ABTB3: variants seen among roughly 807,000 people sequenced by gnomAD.
ABTB3 encodes the protein ankyrin repeat- and BTB/POZ domain-containing protein 3.
the ABTB3 span, among the ~76,000 whole-genome samples, chr12:107,341,149 A>C: frequency 6.6e-6 from 1 of 152,196 alleles, no homozygotes; most frequent in Non-Finnish European, 1.5e-5. Context: ...TGTCTCCCGC[A>C]ATAGCTGGGC....
chr12:107,611,155 T>G, the ABTB3 span, among the ~76,000 whole-genome samples: 67 of 152,360 alleles, frequency 4.4e-4, no homozygotes, highest in Non-Finnish European at 6.3e-4. Flanking sequence ...CCCCAGTGAT[T>G]TATTACACCT....
At chr12:107,457,705 C>T in the ABTB3 span, among the ~76,000 whole-genome samples, 1 of 152,234 alleles carries the variant, frequency 6.6e-6, no homozygotes, top group Non-Finnish European at 1.5e-5. Flanking sequence ...TCACCCAGGG[C>T]CCTGGAGGCA....
the ABTB3 span, among the ~76,000 whole-genome samples, chr12:107,465,063 A>T: frequency 6.6e-6 from 1 of 152,248 alleles, no homozygotes; most frequent in South Asian, 2.1e-4. Flanking sequence ...AGTGTTAAGA[A>T]TTGAAGTCAG....
At chr12:107,468,493 G>A in the ABTB3 span, among the ~76,000 whole-genome samples, 1 of 152,140 alleles carries the variant, frequency 6.6e-6, no homozygotes, top group Admixed American at 6.5e-5. Flanking sequence ...GCTGGGCACG[G>A]GAGACTTTGA....
chr12:107,649,444 A>G, the ABTB3 span: 2 of 635,522 alleles, frequency 3.1e-6, no homozygotes, highest in South Asian at 3.8e-5. Context: ...GTCCTCCCAA[A>G]CAGGAAGGGC....
the ABTB3 span, among the ~76,000 whole-genome samples, chr12:107,447,997 A>C: frequency 1.1e-4 from 17 of 152,204 alleles, no homozygotes; most frequent in Non-Finnish European, 2.4e-4. Context: ...TGAGATGCTA[A>C]GCTGGGCCAA....
the ABTB3 span, among the ~76,000 whole-genome samples, chr12:107,595,001 C>T: frequency 6.6e-6 from 1 of 151,916 alleles, no homozygotes; most frequent in Admixed American, 6.6e-5. Context: ...TACTAGATAC[C>T]AGCAGCACCT....
the ABTB3 span, among the ~76,000 whole-genome samples, chr12:107,454,475 A>T: frequency 6.6e-6 from 1 of 152,216 alleles, no homozygotes; most frequent in Admixed American, 6.5e-5. Flanking sequence ...ATAGAGGCTG[A>T]TGCAGAACTT....
the ABTB3 span, among the ~76,000 whole-genome samples, chr12:107,653,558 A>C: frequency 6.6e-6 from 1 of 151,846 alleles, no homozygotes; most frequent in Non-Finnish European, 1.5e-5. Context: ...ATCAGATTGC[A>C]TGTGAGATGC....
At chr12:107,627,447 G>A in the ABTB3 span, among the ~76,000 whole-genome samples, 2 of 152,202 alleles carry the variant, frequency 1.3e-5, no homozygotes, top group African/African-American at 4.8e-5. Context: ...TCCTATGTTA[G>A]CGATGATAGC....
the ABTB3 span, among the ~76,000 whole-genome samples, chr12:107,466,473 A>G: frequency 1.2e-4 from 18 of 151,688 alleles, no homozygotes; most frequent in African/African-American, 3.4e-4. Context: ...CCCAAGCACA[A>G]ATGTCCAATA....
the ABTB3 span, chr12:107,319,834 C>A: frequency 8.0e-7 from 1 of 1,247,520 alleles, no homozygotes; most frequent in Non-Finnish European, 1.0e-6. Flanking sequence ...CGGCGAGCGG[C>A]GGCGCCTGCA....
chr12:107,460,567 A>C, the ABTB3 span, among the ~76,000 whole-genome samples: 1 of 152,336 alleles, frequency 6.6e-6, no homozygotes, highest in East Asian at 1.9e-4. Flanking sequence ...GCTGAGGCAC[A>C]AGAATCGCTT....
At chr12:107,578,428 A>G in the ABTB3 span, among the ~76,000 whole-genome samples, 2 of 97,358 alleles carry the variant, frequency 2.1e-5, no homozygotes, top group Non-Finnish European at 3.9e-5. Context: ...ATTCTTTGGC[A>G]TTCACCAGGC....
At chr12:107,449,270 T>C in the ABTB3 span, among the ~76,000 whole-genome samples, 1 of 152,232 alleles carries the variant, frequency 6.6e-6, no homozygotes, top group Non-Finnish European at 1.5e-5. Context: ...TTCTTCATGC[T>C]GGTCTATTTC....
At chr12:107,612,841 T>C in the ABTB3 span, 1 of 1,613,896 alleles carries the variant, frequency 6.2e-7, no homozygotes, top group Non-Finnish European at 8.5e-7. Flanking sequence ...CAGATGCTGC[T>C]GGATGCCGGA....
chr12:107,517,469 T>C, the ABTB3 span, among the ~76,000 whole-genome samples: 1 of 152,204 alleles, frequency 6.6e-6, no homozygotes, highest in East Asian at 1.9e-4. Context: ...AGTATGGCCA[T>C]TTTCACGATA....
the ABTB3 span, among the ~76,000 whole-genome samples, chr12:107,499,032 C>A: frequency 6.6e-6 from 1 of 152,120 alleles, no homozygotes; most frequent in Non-Finnish European, 1.5e-5. Flanking sequence ...TTTTTCTCAA[C>A]TCTATGATAA....
the ABTB3 span, among the ~76,000 whole-genome samples, chr12:107,590,111 G>A: frequency 1.1e-4 from 17 of 152,080 alleles, no homozygotes; most frequent in African/African-American, 3.1e-4. Flanking sequence ...ACAGGGTTTC[G>A]CCATGTTGGC....
Sources: allele counts gnomAD v4.1 joint callset (sites outside exome capture counted in the v4.1 genomes callset), GRCh38; gene constraint gnomAD v4.1.1; transcripts MANE v1.5; gene names NCBI Gene and HGNC (gene_info 2026-07-23, HGNC 2026-07-21).